Variants in LRRC8B observed in about 807,000 individuals in gnomAD.
The protein encoded by LRRC8B is leucine rich repeat containing 8 VRAC subunit B.
LRRC8B carries 23 observed loss-of-function variants against 58.8 expected under a neutral mutation model. That is an observed-to-expected ratio of 0.39 (90% CI 0.28 to 0.55). LRRC8B has a LOEUF of 0.55. Ranked by LOEUF, LRRC8B falls within the 20% of genes least tolerant of loss-of-function variation. The pLI is 0.62. For missense variants in LRRC8B, 694 were observed against 936.0 expected (o/e 0.74, Z 3.37); for synonymous variants, 359 against 374.1 (o/e 0.96, Z 0.47).
intron 1 of LRRC8B, among the ~76,000 whole-genome samples, chr1:89,543,653 C>T (rs1651188442): frequency 6.6e-6 from 1 of 151,578 alleles, no homozygotes; most frequent in Admixed American, 6.6e-5. Context: ...ATGCCAGCAG[C>T]CCTGGCTAAT....
intron 1 of LRRC8B, among the ~76,000 whole-genome samples, chr1:89,545,181 G>A (rs1212787002): frequency 6.6e-6 from 1 of 152,002 alleles, no homozygotes; most frequent in Non-Finnish European, 1.5e-5. Context: ...TTCCTGTTGG[G>A]AGTTTAAATT....
At chr1:89,531,610 A>G (rs1204078094) in intron 1 of LRRC8B, among the ~76,000 whole-genome samples, 1 of 152,166 alleles carries the variant, frequency 6.6e-6, no homozygotes, top group African/African-American at 2.4e-5. Context: ...TCAGACCTTT[A>G]AAGCTGTCAG....
At chr1:89,558,284 G>A (rs947782289) in intron 1 of LRRC8B, among the ~76,000 whole-genome samples, 1 of 152,080 alleles carries the variant, frequency 6.6e-6, no homozygotes, top group Non-Finnish European at 1.5e-5. Flanking sequence ...TCCTGGGAAG[G>A]AAACAGCAAG....
intron 1 of LRRC8B, among the ~76,000 whole-genome samples, chr1:89,532,915 C>T (rs934933047): frequency 1.3e-5 from 2 of 152,098 alleles, no homozygotes; most frequent in African/African-American, 2.4e-5. Flanking sequence ...GTTATGTATC[C>T]CAAGTTTCTT....
intron 1 of LRRC8B, among the ~76,000 whole-genome samples, chr1:89,539,529 A>T (rs1650796001): frequency 6.6e-6 from 1 of 152,220 alleles, no homozygotes; most frequent in Non-Finnish European, 1.5e-5. Context: ...TTACTTTATC[A>T]GTCCTTATTC....
At chr1:89,537,204 C>G (rs916494237) in intron 1 of LRRC8B, among the ~76,000 whole-genome samples, 19 of 152,274 alleles carry the variant, frequency 1.2e-4, no homozygotes, top group Non-Finnish European at 2.4e-4. Context: ...TGTGGCACTA[C>G]GATCATGCTA....
chr1:89,582,429 A>G (rs554404065), intron 4 of LRRC8B, among the ~76,000 whole-genome samples, 196 bp from the exon 5 acceptor site: 11 of 152,314 alleles, frequency 7.2e-5, no homozygotes, highest in Admixed American at 3.3e-4. Flanking sequence ...CTAAGAGACT[A>G]TGGTTCAGAG....
At chr1:89,535,112 A>G (rs1650434018) in intron 1 of LRRC8B, among the ~76,000 whole-genome samples, 1 of 152,166 alleles carries the variant, frequency 6.6e-6, no homozygotes, top group African/African-American at 2.4e-5. Flanking sequence ...ATGGCTGGAA[A>G]GAGCCAGCAG....
intron 1 of LRRC8B, among the ~76,000 whole-genome samples, chr1:89,537,816 CCT>C (rs1650649848): frequency 1.3e-5 from 2 of 152,112 alleles, no homozygotes; most frequent in Admixed American, 6.6e-5. Flanking sequence ...AGCTTGTTTG[CCT>C]CTCCCACCAT....
chr1:89,592,659 C>G, intron 5 of LRRC8B, 112 bp from the exon 6 acceptor site: 1 of 920,282 alleles, frequency 1.1e-6, no homozygotes, highest in Admixed American at 2.4e-5. Context: ...GTCTGCATCA[C>G]TTATAAACCT....
At position 89,582,901 on chromosome 1, in the gene LRRC8B, G is replaced by A; in HGVS notation, c.251G>A (p.Gly84Glu). The change falls in exon 5 of 6, where the codon GGG (glycine) becomes GAG (glutamate). Residue 84 changes from glycine (G) to glutamate (E), a missense_variant. This residue lies in a region of LRRC8B where 316 missense variants were observed against 403.8 expected (regional missense o/e 0.78). Coordinates refer to ENST00000330947, the MANE Select transcript of LRRC8B (RefSeq NM_001369817.2). ...AGCATGAACACATCCTCTAATCCTG[G>A]GACACCGCTTCCGCTCCCCCTCCGA... ...KASMNTSSNP[G>E]TPLPLPLRIQ... 6.2e-7 allele frequency: 1 copy of A among 1,613,986 alleles called. No homozygotes were observed. Among genetic ancestry groups the A allele is most frequent in the South Asian group, 1.1e-5 (1 of 91,056 alleles).
chr1:89,574,478 C>T (rs544486997), intron 3 of LRRC8B, among the ~76,000 whole-genome samples: 2 of 152,252 alleles, frequency 1.3e-5, no homozygotes, highest in East Asian at 3.9e-4. Flanking sequence ...TCAGCAAGAC[C>T]ATGACCTACA....
At position 89,551,699 on chromosome 1, in the gene LRRC8B, A is replaced by G. The variant is rs6664867; in HGVS notation, c.-240-16548A>G. Among the ~76,000 whole-genome samples the G allele has an allele frequency of 5.2e-3, 789 of 152,290 alleles. 9 individuals are homozygous for G. The highest frequency in any genetic ancestry group is 0.018 in the African/African-American group (747 of 41,556). ...ATTTGATAAAGTGAGTGAGGGAGTAACAAGAAAAGAGGGTCCCCAAAGAAA... is the reference window on the plus strand; with the variant it reads ...ATTTGATAAAGTGAGTGAGGGAGTAGCAAGAAAAGAGGGTCCCCAAAGAAA... On this transcript the variant is annotated intron_variant, in intron 1 of 5. Coordinates refer to ENST00000330947, the MANE Select transcript of LRRC8B (RefSeq NM_001369817.2).
Position 89,596,167 on chromosome 1 carries a change from A to G in LRRC8B, c.*3124A>G, listed in dbSNP as rs1655293512. On this transcript the variant is annotated 3_prime_UTR_variant, in exon 6 of 6. Transcript: ENST00000330947. ...TTCCCTAAGTTATGACATTTAGAAG[A>G]AATCACATGCTCAACCTTAATCTGA... 1 of 152,122 alleles carries G rather than the reference A, an allele frequency of 6.6e-6. No homozygotes were observed. Among genetic ancestry groups the G allele is most frequent in the Admixed American group, 6.6e-5 (1 of 15,260 alleles). 9.4% of individuals were successfully genotyped at this position (152,122 alleles called of 1,614,324 possible).
At chr1:89,549,744 A>G (rs1651671555) in intron 1 of LRRC8B, among the ~76,000 whole-genome samples, 1 of 152,200 alleles carries the variant, frequency 6.6e-6, no homozygotes, top group African/African-American at 2.4e-5. Flanking sequence ...TTCTGGAAGG[A>G]AGGTATTAAA....
At chr1:89,560,880 A>G (rs1275833383) in intron 1 of LRRC8B, among the ~76,000 whole-genome samples, 2 of 152,164 alleles carry the variant, frequency 1.3e-5, no homozygotes, top group African/African-American at 4.8e-5. Flanking sequence ...AGCATGATTT[A>G]TAGTCATTTG....
At chr1:89,565,099 T>G (rs17130831) in intron 1 of LRRC8B, among the ~76,000 whole-genome samples, 3,342 of 152,284 alleles carry the variant, frequency 0.022, 133 homozygotes, top group African/African-American at 0.077. Context: ...TTAGAACATT[T>G]ATGAAGCACC....
chr1:89,535,329 C>T (rs1290359899), intron 1 of LRRC8B, among the ~76,000 whole-genome samples: 4 of 152,074 alleles, frequency 2.6e-5, no homozygotes, highest in East Asian at 1.9e-4. Context: ...TTAAAGATTC[C>T]CCCTTGGTGT....
intron 1 of LRRC8B, among the ~76,000 whole-genome samples, chr1:89,559,777 A>G (rs982035851): frequency 6.6e-6 from 1 of 152,174 alleles, no homozygotes; most frequent in Non-Finnish European, 1.5e-5. Context: ...AAATTTTAAA[A>G]ATTAATACTT....
Sources: gnomAD v4.1 joint callset for allele counts (sites outside exome capture counted in the v4.1 genomes callset) on GRCh38, gnomAD v4.1.1 for gene constraint, gnomAD v4.1.1 regional missense constraint, MANE v1.5 for transcripts, NCBI Gene and HGNC (gene_info 2026-07-23, HGNC 2026-07-21) for gene names.